The following DENND1B variants were observed in gnomAD, a reference collection of about 807,000 sequenced individuals.
DENND1B encodes DENN domain containing 1B, also known as DENN domain-containing protein 1B.
Under a neutral mutation model 90.1 loss-of-function variants are expected in DENND1B, and 59 were observed. The ratio of observed to expected loss-of-function variants is 0.65; its 90% CI spans 0.53 to 0.81. The LOEUF (loss-of-function observed/expected upper bound fraction) is 0.81, where lower values mean the gene tolerates loss of function less well. Ranked by LOEUF, DENND1B falls within the 40% of genes least tolerant of loss-of-function variation. DENND1B has a pLI of 0.00. For missense variants in DENND1B, 862 were observed against 912.6 expected (o/e 0.94, Z 0.71); for synonymous variants, 337 against 324.6 (o/e 1.04, Z -0.41).
At chr1:197,779,732 C>T (rs1010394441), upstream of DENND1B, among the ~76,000 whole-genome samples, 7 of 151,274 alleles carry the variant, frequency 4.6e-5, no homozygotes, top group African/African-American at 1.7e-4. Flanking sequence ...AATCTGTATT[C>T]TCTTAACTCA....
At chr1:197,738,530 T>TA (rs1264676620) in intron 2 of DENND1B, among the ~76,000 whole-genome samples, 1 of 152,216 alleles carries the variant, frequency 6.6e-6, no homozygotes, top group Non-Finnish European at 1.5e-5. Flanking sequence ...AAACACAACA[T>TA]GGAAGATGCT....
At chr1:197,564,395 CAAAAAAAAAAAA>C (rs71131780) in intron 15 of DENND1B, among the ~76,000 whole-genome samples, 1 of 63,170 alleles carries the variant, frequency 1.6e-5, no homozygotes, top group East Asian at 6.1e-4. Flanking sequence ...CCTCCACCAG[CAAAAAAAAAAAA>C]AAAAAAAAAA....
chr1:197,691,528 G>T (rs1339756886), intron 3 of DENND1B, among the ~76,000 whole-genome samples: 1 of 151,950 alleles, frequency 6.6e-6, no homozygotes, highest in African/African-American at 2.4e-5. Flanking sequence ...AATATCAAAT[G>T]CTACAGCAGC....
intron 10 of DENND1B, among the ~76,000 whole-genome samples, chr1:197,641,080 G>A (rs1001135651): frequency 5.3e-5 from 8 of 152,154 alleles, no homozygotes; most frequent in African/African-American, 1.4e-4. Flanking sequence ...ATTGCTATTT[G>A]TTTGCTCACT....
At chr1:197,523,141 T>G (rs1668892619) in intron 20 of DENND1B, among the ~76,000 whole-genome samples, 1 of 152,116 alleles carries the variant, frequency 6.6e-6, no homozygotes, top group East Asian at 1.9e-4. Context: ...GGGACAGGCA[T>G]GAAGTCCCAA....
intron 2 of DENND1B, among the ~76,000 whole-genome samples, chr1:197,742,021 A>G (rs1663262405): frequency 6.6e-6 from 1 of 152,160 alleles, no homozygotes; most frequent in South Asian, 2.1e-4. Context: ...TATATGTAAA[A>G]TCCCTTTCAA....
At chr1:197,561,661 T>G (rs1014683644) in intron 15 of DENND1B, among the ~76,000 whole-genome samples, 3 of 151,780 alleles carry the variant, frequency 2.0e-5, no homozygotes, top group African/African-American at 4.8e-5. Flanking sequence ...AATAGATATC[T>G]TGACTTAATA....
At chr1:197,628,044 G>A (rs1323653504) in intron 10 of DENND1B, among the ~76,000 whole-genome samples, 1 of 152,060 alleles carries the variant, frequency 6.6e-6, no homozygotes, top group Non-Finnish European at 1.5e-5. Flanking sequence ...ACAAATGGAA[G>A]AACATTCCAT....
chr1:197,528,997 G>T (rs1207537790), intron 20 of DENND1B, among the ~76,000 whole-genome samples: 3 of 151,782 alleles, frequency 2.0e-5, no homozygotes, highest in Non-Finnish European at 2.9e-5. Context: ...TAGAAATTAT[G>T]ACTATTAAAC....
intron 3 of DENND1B, among the ~76,000 whole-genome samples, chr1:197,690,886 AATC>A (rs1657800969): frequency 6.6e-6 from 1 of 152,014 alleles, no homozygotes; most frequent in Non-Finnish European, 1.5e-5. Flanking sequence ...ACCAAAAAAA[AATC>A]TGTCATAGAA....
intron 3 of DENND1B, among the ~76,000 whole-genome samples, chr1:197,678,231 T>C (rs1656291686): frequency 6.6e-6 from 1 of 152,202 alleles, no homozygotes; most frequent in Non-Finnish European, 1.5e-5. Flanking sequence ...GTGAAGTATA[T>C]TATATTTTAT....
At chr1:197,670,021 T>C (rs1445047070) in intron 5 of DENND1B, among the ~76,000 whole-genome samples, 1 of 152,138 alleles carries the variant, frequency 6.6e-6, no homozygotes, top group Non-Finnish European at 1.5e-5. Context: ...AATTTGATTA[T>C]TGTATTTGCT....
intron 13 of DENND1B, among the ~76,000 whole-genome samples, chr1:197,600,373 G>A (rs1044860176): frequency 1.1e-4 from 17 of 151,800 alleles, no homozygotes; most frequent in African/African-American, 3.4e-4. Flanking sequence ...TGCTGTATCC[G>A]TATGGCTGGG....
intron 15 of DENND1B, among the ~76,000 whole-genome samples, chr1:197,578,018 TTAAA>T (rs1401122454): frequency 2.6e-5 from 4 of 152,150 alleles, no homozygotes; most frequent in Non-Finnish European, 5.9e-5. Flanking sequence ...TATTAACAGT[TTAAA>T]TAATAATAAT....
chr1:197,591,752 G>A (rs184725637), intron 14 of DENND1B, among the ~76,000 whole-genome samples: 1 of 152,212 alleles, frequency 6.6e-6, no homozygotes, highest in East Asian at 1.9e-4. Context: ...TTCCATTAGT[G>A]AATACTGAAT....
intron 15 of DENND1B, among the ~76,000 whole-genome samples, chr1:197,577,951 C>A (rs1673833245): frequency 1.3e-5 from 2 of 152,138 alleles, no homozygotes; most frequent in African/African-American, 2.4e-5. Flanking sequence ...CAGCCTATTA[C>A]TGGATGACGT....
At chr1:197,674,047 A>G in intron 4 of DENND1B, 73 bp downstream of exon 4, 3 of 1,068,964 alleles carry the variant, frequency 2.8e-6, no homozygotes, top group Non-Finnish European at 4.1e-6. Context: ...ATTTTATAAA[A>G]AAGCACATGT....
At chr1:197,726,221 G>A (rs1661619440) in intron 2 of DENND1B, among the ~76,000 whole-genome samples, 1 of 152,070 alleles carries the variant, frequency 6.6e-6, no homozygotes, top group African/African-American at 2.4e-5. Context: ...TTATGAACCT[G>A]ACGTGGACCC....
intron 2 of DENND1B, among the ~76,000 whole-genome samples, chr1:197,744,346 T>C (rs573997929): frequency 6.6e-6 from 1 of 152,322 alleles, no homozygotes; most frequent in African/African-American, 2.4e-5. Flanking sequence ...GACTTAATGA[T>C]ATAAAACTTG....
Sources: allele counts gnomAD v4.1 joint callset (sites outside exome capture counted in the v4.1 genomes callset), GRCh38; gene constraint gnomAD v4.1.1; transcripts MANE v1.5; gene names NCBI Gene and HGNC (gene_info 2026-07-23, HGNC 2026-07-21).